CACNA1B: variants seen among roughly 807,000 people sequenced by gnomAD.
CACNA1B encodes calcium voltage-gated channel subunit alpha1 B.
Under a neutral mutation model 247.2 loss-of-function variants are expected in CACNA1B, and 70 were observed. The ratio of observed to expected loss-of-function variants is 0.28; its 90% CI spans 0.23 to 0.35. The LOEUF (loss-of-function observed/expected upper bound fraction) is 0.35, where lower values mean the gene tolerates loss of function less well. Ranked by LOEUF, CACNA1B falls within the 10% of genes least tolerant of loss-of-function variation. CACNA1B has a pLI of 1.00. For missense variants in CACNA1B, 2,367 were observed against 3,197.4 expected (o/e 0.74, Z 6.26); for synonymous variants, 1,231 against 1,294.4 (o/e 0.95, Z 1.05).
At chr9:138,105,312 G>A (rs1961383508) in intron 38 of CACNA1B, among the ~76,000 whole-genome samples, 1 of 152,178 alleles carries the variant, frequency 6.6e-6, no homozygotes, top group African/African-American at 2.4e-5. Flanking sequence ...GGTGGGCAGA[G>A]CAATGAGCAC....
chr9:138,085,554 A>G (rs1480887762), intron 36 of CACNA1B, among the ~76,000 whole-genome samples: 3 of 151,254 alleles, frequency 2.0e-5, no homozygotes, highest in Non-Finnish European at 2.9e-5. Context: ...AATAGATTCA[A>G]CCAAAAAGGT....
chr9:137,911,566 C>G (rs1957360049), intron 3 of CACNA1B, among the ~76,000 whole-genome samples: 1 of 152,208 alleles, frequency 6.6e-6, no homozygotes, highest in Admixed American at 6.5e-5. Context: ...CAGGCATGCG[C>G]TACTGCGCCC....
At chr9:138,118,555 G>A in intron 43 of CACNA1B, 97 bp from the exon 44 acceptor site, 9 of 640,684 alleles carry the variant, frequency 1.4e-5, no homozygotes, top group Non-Finnish European at 1.7e-5. Context: ...GATGGATTTG[G>A]GTGAGACCCC....
rs766378715 is a variant in CACNA1B at position 137,986,372 on chromosome 9, A to G, written c.1770-41A>G. 49 of 1,609,210 alleles carry G rather than the reference A, an allele frequency of 3.0e-5. No homozygotes were observed. The highest frequency in any genetic ancestry group is 4.1e-5 in the Non-Finnish European group (48 of 1,177,840). On this transcript the variant is annotated intron_variant, in intron 13 of 46. Transcript: ENST00000371372. This position sits in a 1 kb window ranked among gnomAD's most constrained non-coding sequence, Gnocchi z 6.0. ...TGCAGAGAGCCATGAATGTGAAGTCAGCGTCTGGAGCTGGCTCAGACCCCC... is the reference window on the plus strand; with the variant it reads ...TGCAGAGAGCCATGAATGTGAAGTCGGCGTCTGGAGCTGGCTCAGACCCCC...
intron 20 of CACNA1B, among the ~76,000 whole-genome samples, chr9:138,037,218 GGC>G (rs1159442719): frequency 6.6e-6 from 1 of 152,172 alleles, no homozygotes; most frequent in African/African-American, 2.4e-5. Context: ...TCCGGAACAG[GGC>G]TTCTCAGCCT....
intron 26 of CACNA1B, among the ~76,000 whole-genome samples, chr9:138,055,047 G>A (rs541028161): frequency 1.7e-4 from 26 of 152,112 alleles, no homozygotes; most frequent in Admixed American, 1.5e-3. Flanking sequence ...TGTATGGATC[G>A]CAGACGTCTT....
chr9:137,995,228 A>G (rs1364047119), intron 15 of CACNA1B, among the ~76,000 whole-genome samples: 1 of 145,088 alleles, frequency 6.9e-6, no homozygotes, highest in Non-Finnish European at 1.5e-5. Flanking sequence ...AAAAAAAAAA[A>G]CAAAATCAGC....
Position 137,986,509 on chromosome 9 carries a change from C to G in CACNA1B, c.1866C>G (p.Val622=). Residue 622 remains valine (V), a synonymous_variant, in exon 14 of 47, where the codon GTC becomes GTG. Coordinates refer to ENST00000371372, the MANE Select transcript of CACNA1B (RefSeq NM_000718.4). The surrounding 1 kb of genome is among the most constrained non-coding windows in gnomAD (Gnocchi z 6.0). ...TCTTGCTCTTCCTGTTCATTGTGGT[C>G]TTCGCCCTGCTGGGGATGCAGCTGT... ...LLFLLFLFIV[V]FALLGMQLFG... The G allele has an allele frequency of 6.2e-7, 1 of 1,613,894 alleles. No individual in the cohort carries two copies. The highest frequency in any genetic ancestry group is 1.1e-5 in the South Asian group (1 of 91,064).
chr9:137,901,485 C>T (rs1957239085), intron 3 of CACNA1B, among the ~76,000 whole-genome samples: 1 of 151,964 alleles, frequency 6.6e-6, no homozygotes, highest in South Asian at 2.1e-4. Flanking sequence ...ACCACCAAGC[C>T]CAGCTGATTT....
intron 10 of CACNA1B, among the ~76,000 whole-genome samples, chr9:137,965,216 A>G (rs1958060532): frequency 6.6e-6 from 1 of 152,232 alleles, no homozygotes; most frequent in Non-Finnish European, 1.5e-5. Context: ...CTGCTTTTTG[A>G]TAGAGCAGCT....
At position 138,120,844 on chromosome 9, in the gene CACNA1B, C is replaced by T. The variant is rs200034261; in HGVS notation, c.6452C>T (p.Ser2151Leu). Residue 2151 changes from serine (S) to leucine (L), a missense_variant, in exon 46 of 47, where the codon TCG becomes TTG. This residue lies in a region of CACNA1B where 773 missense variants were observed against 779.4 expected (regional missense o/e 0.99). Coordinates refer to ENST00000371372, the MANE Select transcript of CACNA1B (RefSeq NM_000718.4). ...PKPSLSSHPT[S>L]PTAGQEPGPH... ...CCCTCCCTCAGCAGCCACCCAACGTCGCCAACAGCTGGCCAGGAGCCGGGA... is the reference window on the plus strand; with the variant it reads ...CCCTCCCTCAGCAGCCACCCAACGTTGCCAACAGCTGGCCAGGAGCCGGGA... 5.5e-4 allele frequency: 863 copies of T among 1,572,762 alleles called. No homozygotes were observed. Among genetic ancestry groups the T allele is most frequent in the Non-Finnish European group, 6.9e-4 (805 of 1,159,386 alleles).
At chr9:138,013,074 T>C in intron 17 of CACNA1B, 55 bp from the exon 18 acceptor site, 1 of 1,292,450 alleles carries the variant, frequency 7.7e-7, no homozygotes, top group Non-Finnish European at 1.1e-6. Context: ...ATAGCCAGTG[T>C]TAGAGTGGCT....
Position 137,889,872 on chromosome 9 carries a change from C to T in CACNA1B, c.530+6989C>T, listed in dbSNP as rs369167456. 4.1e-5 allele frequency among the ~76,000 whole-genome samples: 6 copies of T among 146,508 alleles called. 1 individual carries two copies. The highest frequency in any genetic ancestry group is 7.7e-5 in the Non-Finnish European group (5 of 64,972). ...CCGCTCTCTTTCTCTGTGTCTCCCC[C>T]CTCCCTCTCTGCCTCCTTCCTGCAT... On this transcript the variant is annotated intron_variant, in intron 3 of 46. Coordinates refer to ENST00000371372, the MANE Select transcript of CACNA1B (RefSeq NM_000718.4).
chr9:137,890,878 CCCAGGA>C (rs1392402782), intron 3 of CACNA1B: 2 of 152,334 alleles, frequency 1.3e-5, no homozygotes, highest in African/African-American at 4.8e-5. Context: ...GGAGTCTCAG[CCCAGGA>C]CCCAGCTCTG....
At chr9:137,887,713 T>TCTCACTCCCCCTGCCC (rs1406184574) in intron 3 of CACNA1B, among the ~76,000 whole-genome samples, 6 of 111,556 alleles carry the variant, frequency 5.4e-5, no homozygotes, top group Admixed American at 9.7e-5. Context: ...TGCCCCAGCC[T>TCTCACTCCCCCTGCCC]CTCACTCCCC....
Position 138,114,464 on chromosome 9 carries a change from C to G in CACNA1B, c.5623C>G (p.Gln1875Glu). Residue 1875 changes from glutamine (Q) to glutamate (E), a missense_variant, in exon 41 of 47, where the codon CAG (glutamine) becomes GAG (glutamate). Gln to Glu is a conservative substitution (Grantham distance 29). This residue lies in a region of CACNA1B where 773 missense variants were observed against 779.4 expected (regional missense o/e 0.99). Transcript: ENST00000371372. ...GAACAAAACCACCAGAGACCAGATG[C>G]AGCAGGCTCCTGGAGGCCTCTCCCA... is the stretch of plus-strand genomic sequence containing the variant. ...KQNKTTRDQMQQAPGGLSQMG... is the reference protein window; with the variant it reads ...KQNKTTRDQMEQAPGGLSQMG... The G allele has an allele frequency of 1.3e-6, 2 of 1,582,012 alleles. No homozygotes were observed. The highest frequency in any genetic ancestry group is 1.2e-5 in the South Asian group (1 of 86,488).
intron 3 of CACNA1B, among the ~76,000 whole-genome samples, chr9:137,906,009 C>G (rs1434469782): frequency 6.6e-6 from 1 of 152,212 alleles, no homozygotes; most frequent in African/African-American, 2.4e-5. Context: ...GCAAGGGCCT[C>G]TCCACTCAAA....
Position 137,888,237 on chromosome 9 carries a change from G to A in CACNA1B, c.530+5354G>A, listed in dbSNP as rs1345227435. Among the ~76,000 whole-genome samples, 3 of 152,076 alleles carry A rather than the reference G, an allele frequency of 2.0e-5. No individual in the cohort carries two copies. The highest frequency in any genetic ancestry group is 7.2e-5 in the African/African-American group (3 of 41,412). On this transcript the variant is annotated intron_variant, in intron 3 of 46. Coordinates refer to ENST00000371372, the MANE Select transcript of CACNA1B (RefSeq NM_000718.4). This position sits in a 1 kb window ranked among gnomAD's most constrained non-coding sequence, Gnocchi z 4.7. ...AAAGGTAGAGCCCACGGGAAGCCCC[G>A]TGGTGCCTCCGGAGTCTGTCACCCA...
chr9:137,983,636 T>G (rs1317582687), intron 12 of CACNA1B, among the ~76,000 whole-genome samples: 1 of 152,064 alleles, frequency 6.6e-6, no homozygotes, highest in Non-Finnish European at 1.5e-5. Context: ...ATGCAATTTA[T>G]GAATCTGAGT....
Sources: gnomAD v4.1 joint callset for allele counts (sites outside exome capture counted in the v4.1 genomes callset) on GRCh38, gnomAD v4.1.1 for gene constraint, gnomAD v4.1.1 regional missense constraint, Gnocchi (gnomAD v3.1) non-coding constraint, MANE v1.5 for transcripts, NCBI Gene and HGNC (gene_info 2026-07-23, HGNC 2026-07-21) for gene names.